TTC21B: variants seen among roughly 807,000 people sequenced by gnomAD.
TTC21B encodes the protein tetratricopeptide repeat domain 21B, also known as tetratricopeptide repeat protein 21B.
A neutral mutation model predicts 175.1 loss-of-function variants in TTC21B; 127 were observed. The ratio of observed to expected loss-of-function variants is 0.73; its 90% CI spans 0.63 to 0.84. TTC21B has a LOEUF of 0.84. TTC21B is among the 40% of genes least tolerant of loss of function. TTC21B has a pLI of 0.00. For missense variants in TTC21B, 1,561 were observed against 1,558.3 expected, an observed-to-expected ratio of 1.00 and a Z score of -0.03; for synonymous variants, 524 against 524.5, an observed-to-expected ratio of 1.00 and a Z score of 0.01.
chr2:165,910,308 C>G (rs1384478232), intron 18 of TTC21B, among the ~76,000 whole-genome samples: 2 of 151,860 alleles, frequency 1.3e-5, no homozygotes, highest in Non-Finnish European at 2.9e-5. Flanking sequence ...GAGGCTGAGG[C>G]AGGAGAATGG....
At chr2:165,934,476 T>C (rs1268697517) in intron 6 of TTC21B, among the ~76,000 whole-genome samples, 8 of 116,780 alleles carry the variant, frequency 6.9e-5, no homozygotes, top group African/African-American at 2.8e-4. Context: ...CACTCCAGTC[T>C]GGGCAACAAG....
intron 11 of TTC21B, 147 bp from the exon 12 acceptor site, chr2:165,924,825 T>C (rs1574112163): frequency 3.6e-6 from 3 of 836,056 alleles, no homozygotes; most frequent in Non-Finnish European, 5.5e-6. Context: ...AATACCTTTA[T>C]TATGACTTAA....
At chr2:165,913,520 A>C in intron 16 of TTC21B, 54 bp downstream of exon 16, 1 of 1,088,542 alleles carries the variant, frequency 9.2e-7, no homozygotes, top group Non-Finnish European at 1.4e-6. Context: ...AGGAAGTTGT[A>C]CTCATCACAA....
intron 24 of TTC21B, among the ~76,000 whole-genome samples, chr2:165,888,922 TA>T (rs935596814): frequency 2.1e-5 from 1 of 48,474 alleles, no homozygotes; most frequent in African/African-American, 5.7e-5. Flanking sequence ...CTTGAACAGG[TA>T]AAGTAATTTT....
intron 18 of TTC21B, among the ~76,000 whole-genome samples, chr2:165,909,619 G>A (rs1468259961): frequency 2.0e-5 from 3 of 152,108 alleles, no homozygotes; most frequent in South Asian, 4.1e-4. Context: ...TGACTAACAC[G>A]ACATAATGTC....
At chr2:165,883,062 C>A (rs1283169034) in intron 26 of TTC21B, among the ~76,000 whole-genome samples, 2 of 151,882 alleles carry the variant, frequency 1.3e-5, no homozygotes, top group Non-Finnish European at 2.9e-5. Flanking sequence ...ATAAACGGTC[C>A]ATTTGTAATC....
rs967438692 is a variant in TTC21B, at chr2:165,930,204, G to C, written c.1055C>G (p.Thr352Arg). ...GGCAGACACACTAGTCTCATCAAGTGTCATGGCGGTCTTATACCACTTCAG... is the reference window on the plus strand; with the variant it reads ...GGCAGACACACTAGTCTCATCAAGTCTCATGGCGGTCTTATACCACTTCAG... ...EALKWYKTAM[T>R]LDETSVSALV... The change falls in exon 9 of 29, where the codon ACA becomes AGA. Residue 352 changes from threonine to arginine, a missense_variant. By Grantham distance (71) the Thr-to-Arg change is moderately conservative. Transcript: ENST00000243344. The C allele has an allele frequency of 6.2e-7, 1 of 1,613,116 alleles. No homozygotes were observed. The highest frequency in any genetic ancestry group is 1.3e-5 in the African/African-American group (1 of 74,856).
chr2:165,912,508 A>C lies in TTC21B; in HGVS notation c.2322+6T>G. On this transcript the variant is annotated splice_donor_region_variant and intron_variant, in intron 17 of 28. Coordinates refer to ENST00000243344, the MANE Select transcript of TTC21B (RefSeq NM_024753.5). Reference sequence around the variant, plus strand: ...ACAGACATATTTCAAACAATAAAGTACTTACCATTGAGTAGTTATGAGTTT... The same window carrying C: ...ACAGACATATTTCAAACAATAAAGTCCTTACCATTGAGTAGTTATGAGTTT... 1 of 1,604,722 alleles carries C rather than the reference A, an allele frequency of 6.2e-7. No individual in the cohort carries two copies. Among genetic ancestry groups the C allele is most frequent in the Non-Finnish European group, 8.5e-7 (1 of 1,171,424 alleles).
At chr2:165,934,214 A>G (rs1559069410) in intron 6 of TTC21B, 1 of 152,154 alleles carries the variant, frequency 6.6e-6, no homozygotes, top group East Asian at 1.9e-4. Context: ...AATTTAATGC[A>G]ATTCAAACCA....
chr2:165,929,791 C>T (rs1686818330), intron 9 of TTC21B, 44 bp from the exon 10 acceptor site: 2 of 1,240,418 alleles, frequency 1.6e-6, no homozygotes, highest in Admixed American at 1.7e-5. Flanking sequence ...CACACCAATT[C>T]AGGGATGCAC....
Position 165,915,564 on chromosome 2 carries a change from T to C in TTC21B, c.1900-125A>G, listed in dbSNP as rs111802423. The stretch of plus-strand genomic sequence containing the variant: ...ACATTTATAATATTTACGAAATAAA[T>C]TGATAGAATTTTCTGAAACCTCAAA... On this transcript the variant is annotated intron_variant, in intron 14 of 28. Transcript: ENST00000243344. The C allele has an allele frequency of 2.5e-3, 2,286 of 909,982 alleles. 36 individuals are homozygous for C. The African/African-American group carries it at 0.033, about 13-fold the overall frequency. The allele number at this position is 909,982 out of a possible 1,614,324, so 56.4% of individuals were successfully genotyped here.
rs1341436596 is a variant in TTC21B, at chr2:165,917,464, T to C, written c.1692A>G (p.Leu564=). 9 of 1,611,890 alleles carry C rather than the reference T, an allele frequency of 5.6e-6. No individual in the cohort carries two copies. The highest frequency in any genetic ancestry group is 1.3e-5 in the African/African-American group (1 of 74,880). The part of the protein sequence containing the change: ...SYDFKVRDYP[L]YHLIKAQSQK... ...GTGACTGAGCTTTTATCAAATGGTATAAAGGATAGTCTCTCACCTGAAGAA... is the reference window on the plus strand; with the variant it reads ...GTGACTGAGCTTTTATCAAATGGTACAAAGGATAGTCTCTCACCTGAAGAA... The change falls in exon 14 of 29, where the codon TTA becomes TTG. Residue 564 remains leucine (L), a synonymous_variant. Transcript: ENST00000243344.
chr2:165,901,433 G>A (rs983045418), intron 20 of TTC21B, among the ~76,000 whole-genome samples: 2 of 152,004 alleles, frequency 1.3e-5, no homozygotes, highest in African/African-American at 4.8e-5. Flanking sequence ...CGATTCTCCT[G>A]CCTTAGCCTC....
intron 18 of TTC21B, 95 bp from the exon 19 acceptor site, chr2:165,907,879 G>A (rs553043462): frequency 2.3e-6 from 2 of 855,138 alleles, no homozygotes; most frequent in Non-Finnish European, 1.8e-6. Flanking sequence ...TAGAAAAAAT[G>A]ATTTTGAAAA....
rs185089786 is a variant in TTC21B, at chr2:165,929,290, G to C, written c.1231C>G (p.Arg411Gly). 1.0e-4 allele frequency: 166 copies of C among 1,612,052 alleles called. No homozygotes were observed. Among genetic ancestry groups the C allele is most frequent in the Middle Eastern group, 5.0e-4 (3 of 5,960 alleles). ...HAVLAMKKNKRQEEVINLLND... is the reference protein window; with the variant it reads ...HAVLAMKKNKGQEEVINLLND... ...AACAAATTAATAACTTCTTCTTGTC[G>C]TTTATTTTTCTTCATGGCAAGAACT... The change falls in exon 11 of 29, where the codon CGA becomes GGA. Residue 411 changes from arginine (R) to glycine (G), a missense_variant. Transcript: ENST00000243344.
rs746700857 is a variant in TTC21B at position 165,901,880 on chromosome 2, G to A, written c.2599C>T (p.Arg867Cys). The change falls in exon 20 of 29, where the codon CGT becomes TGT. Residue 867 changes from arginine to cysteine, a missense_variant. Transcript: ENST00000243344. ...ARELQARVLK[R>C]VQMEQPDAVP... ...GCATCTGGCTGTTCCATCTGAACACGTTTTAGTACCCGAGCTTGTAATTCT... is the reference window on the plus strand; with the variant it reads ...GCATCTGGCTGTTCCATCTGAACACATTTTAGTACCCGAGCTTGTAATTCT... The A allele has an allele frequency of 1.1e-5, 18 of 1,613,296 alleles. No homozygotes were observed. Among genetic ancestry groups the A allele is most frequent in the South Asian group, 2.2e-5 (2 of 91,068 alleles).
chr2:165,885,727 C>T (rs1355943512), intron 25 of TTC21B, among the ~76,000 whole-genome samples: 1 of 152,224 alleles, frequency 6.6e-6, no homozygotes, highest in Non-Finnish European at 1.5e-5. Context: ...TAGAACGTAT[C>T]GGTTCTTCAC....
chr2:165,896,917 CGAT>C (rs1207563879), intron 22 of TTC21B, among the ~76,000 whole-genome samples: 8 of 152,030 alleles, frequency 5.3e-5, no homozygotes, highest in Non-Finnish European at 1.0e-4. Flanking sequence ...TTTAATAAAA[CGAT>C]GATTTGCTGG....
At chr2:165,927,220 T>TTA (rs374687924) in intron 11 of TTC21B, among the ~76,000 whole-genome samples, 15 of 4,528 alleles carry the variant, frequency 3.3e-3, no homozygotes, top group East Asian at 0.011. Context: ...ATCCTAGTAG[T>TTA]TATATATATA....
Sources: allele counts gnomAD v4.1 joint callset (sites outside exome capture counted in the v4.1 genomes callset), GRCh38; gene constraint gnomAD v4.1.1; transcripts MANE v1.5; gene names NCBI Gene and HGNC (gene_info 2026-07-23, HGNC 2026-07-21).